DAGLA: variants seen among roughly 807,000 people sequenced by gnomAD.
The protein encoded by DAGLA is diacylglycerol lipase-alpha.
In DAGLA, 22 loss-of-function variants were observed where a neutral mutation model predicts 102.6. That is an observed-to-expected ratio of 0.21 (90% CI 0.15 to 0.31). The LOEUF (loss-of-function observed/expected upper bound fraction) is 0.31, where lower values mean the gene tolerates loss of function less well. Ranked by LOEUF, DAGLA falls within the 10% of genes least tolerant of loss-of-function variation. The probability of loss-of-function intolerance (pLI) is 1.00; values close to 1 mark genes in which losing one functional copy is unlikely to be tolerated. For missense variants in DAGLA, 927 were observed against 1,446.6 expected, an observed-to-expected ratio of 0.64 and a Z score of 5.83; for synonymous variants, 578 against 628.9, an observed-to-expected ratio of 0.92 and a Z score of 1.21.
intron 1 of DAGLA, among the ~76,000 whole-genome samples, chr11:61,695,269 A>G (rs1397959326): frequency 6.7e-6 from 1 of 149,584 alleles, no homozygotes; most frequent in African/African-American, 2.5e-5. Flanking sequence ...TTCAACCATC[A>G]GGCACCTCTA....
chr11:61,730,818 C>A (rs1448980443), intron 8 of DAGLA, among the ~76,000 whole-genome samples: 1 of 152,222 alleles, frequency 6.6e-6, no homozygotes, highest in Non-Finnish European at 1.5e-5. Context: ...TCAAAGAACC[C>A]AAGGGCCAGA....
At chr11:61,715,950 G>C in intron 1 of DAGLA, among the ~76,000 whole-genome samples, 1 of 152,250 alleles carries the variant, frequency 6.6e-6, no homozygotes, top group Non-Finnish European at 1.5e-5. Flanking sequence ...AGAGGGGGGG[G>C]AGAGGGTTCT....
At chr11:61,713,565 A>G (rs944118086) in intron 1 of DAGLA, among the ~76,000 whole-genome samples, 5 of 152,340 alleles carry the variant, frequency 3.3e-5, no homozygotes, top group Non-Finnish European at 7.4e-5. Flanking sequence ...CAGAGAGGTT[A>G]ACTCGCTACC....
At chr11:61,701,680 A>G (rs2065111135) in intron 1 of DAGLA, among the ~76,000 whole-genome samples, 1 of 152,158 alleles carries the variant, frequency 6.6e-6, no homozygotes, top group African/African-American at 2.4e-5. Context: ...GTCACAGGGA[A>G]GGGGGTGGAT....
At chr11:61,685,038 G>A (rs376638544) in intron 1 of DAGLA, among the ~76,000 whole-genome samples, 1 of 152,072 alleles carries the variant, frequency 6.6e-6, no homozygotes, top group African/African-American at 2.4e-5. Flanking sequence ...CGTCTCACAC[G>A]CCTGCTTCCA....
chr11:61,739,395 C>CCCCCTG, intron 16 of DAGLA, 70 bp from the exon 17 acceptor site: 1 of 970,868 alleles, frequency 1.0e-6, no homozygotes, highest in South Asian at 1.4e-5. Context: ...CCTTCTCGGT[C>CCCCCTG]CCCCTGCCCC....
At position 61,684,338 on chromosome 11, in the gene DAGLA, G is replaced by C. The variant is rs1281337884; in HGVS notation, c.-45+3834G>C. Among the ~76,000 whole-genome samples, 2 of 152,220 alleles carry C rather than the reference G, an allele frequency of 1.3e-5. No individual in the cohort carries two copies. The highest frequency in any genetic ancestry group is 1.3e-4 in the Admixed American group (2 of 15,282). The stretch of plus-strand genomic sequence containing the variant: ...AAATCTTTTAGAACCGCGGAGCCCA[G>C]GACATTGCAGGATGCGGTTACCTCC... On this transcript the variant is annotated intron_variant, in intron 1 of 19. Coordinates refer to ENST00000257215, the MANE Select transcript of DAGLA (RefSeq NM_006133.3). This position sits in a 1 kb window ranked among gnomAD's most constrained non-coding sequence, Gnocchi z 4.5.
chr11:61,723,690 A>G (rs776545817), intron 5 of DAGLA, 118 bp downstream of exon 5: 68 of 1,338,756 alleles, frequency 5.1e-5, no homozygotes, highest in Non-Finnish European at 6.8e-5. Context: ...ACCTCGTGTG[A>G]GCCGTGGGCA....
chr11:61,711,102 G>A (rs1431890368), intron 1 of DAGLA, among the ~76,000 whole-genome samples: 6 of 152,274 alleles, frequency 3.9e-5, no homozygotes, highest in Non-Finnish European at 7.4e-5. Flanking sequence ...GGGTAAAGAC[G>A]TGTTAGGGCA....
intron 10 of DAGLA, 115 bp from the exon 11 acceptor site, chr11:61,735,446 G>C: frequency 1.1e-6 from 1 of 886,328 alleles, no homozygotes. Flanking sequence ...GGCGGCAGAG[G>C]CTCCGTGGCT....
At chr11:61,701,525 G>A (rs2065110257) in intron 1 of DAGLA, among the ~76,000 whole-genome samples, 2 of 152,228 alleles carry the variant, frequency 1.3e-5, no homozygotes, top group Admixed American at 6.5e-5. Context: ...CCCATGTGGT[G>A]GGGATGTGTG....
intron 17 of DAGLA, among the ~76,000 whole-genome samples, chr11:61,740,140 G>T (rs2065464746): frequency 6.6e-6 from 1 of 152,236 alleles, no homozygotes; most frequent in South Asian, 2.1e-4. Context: ...GCTGGGCCCT[G>T]GCTCCTCCCT....
rs1193180153 is a variant in DAGLA, at chr11:61,725,977, G to A, written c.549-18G>A. 8.7e-6 allele frequency: 14 copies of A among 1,611,380 alleles called. No homozygotes were observed. The highest frequency in any genetic ancestry group is 2.2e-5 in the East Asian group (1 of 44,890). ...CCAGCCCTCTGACCTCACACATACC[G>A]CCTCTCCTGCTTTGCAGGCACCGCT... is the stretch of plus-strand genomic sequence containing the variant. On this transcript the variant is annotated intron_variant, in intron 5 of 19. Coordinates refer to ENST00000257215, the MANE Select transcript of DAGLA (RefSeq NM_006133.3).
At chr11:61,715,463 C>T (rs1176064912) in intron 1 of DAGLA, among the ~76,000 whole-genome samples, 1 of 152,178 alleles carries the variant, frequency 6.6e-6, no homozygotes, top group Non-Finnish European at 1.5e-5. Context: ...TACCTTCTTC[C>T]CCCCCATCCC....
At chr11:61,685,590 C>T (rs1236578989) in intron 1 of DAGLA, among the ~76,000 whole-genome samples, 1 of 152,222 alleles carries the variant, frequency 6.6e-6, no homozygotes, top group East Asian at 1.9e-4. Context: ...GTGGTCATAC[C>T]AGAGCCTATA....
At chr11:61,714,687 A>G (rs957265783) in intron 1 of DAGLA, among the ~76,000 whole-genome samples, 4 of 152,110 alleles carry the variant, frequency 2.6e-5, no homozygotes, top group Non-Finnish European at 5.9e-5. Context: ...CGCTGCTGGG[A>G]TGGATATCAC....
At chr11:61,681,880 G>A (rs1482129926) in intron 1 of DAGLA, among the ~76,000 whole-genome samples, 1 of 152,192 alleles carries the variant, frequency 6.6e-6, no homozygotes, top group Non-Finnish European at 1.5e-5. Context: ...ACTTTACAGA[G>A]AAGCAATTTG....
In DAGLA at chr11:61,746,912, CAAATT is replaced by C. The variant is rs1280975002; in HGVS notation, c.*2426_*2430del. The stretch of plus-strand genomic sequence containing the variant: ...CTAATATTGCTGTAAAAAGGAGAGA[CAAATT>C]AATATAGCTTATTCTATAAATATAT... On this transcript the variant is annotated 3_prime_UTR_variant, in exon 20 of 20. Coordinates refer to ENST00000257215, the MANE Select transcript of DAGLA (RefSeq NM_006133.3). 6.6e-6 allele frequency: 1 copy of C among 152,564 alleles called. No homozygotes were observed. The highest frequency in any genetic ancestry group is 2.4e-5 in the African/African-American group (1 of 41,444). 9.5% of individuals were successfully genotyped at this position (152,564 alleles called of 1,614,324 possible). A position where few individuals can be genotyped will look rare whatever the true frequency, so the allele number is the denominator to read the frequency against.
chr11:61,708,031 T>G (rs1320095224), intron 1 of DAGLA, among the ~76,000 whole-genome samples: 3 of 152,182 alleles, frequency 2.0e-5, no homozygotes, highest in African/African-American at 7.2e-5. Flanking sequence ...GTTTTGAGAC[T>G]GAGTCTTGCT....
Sources: allele counts gnomAD v4.1 joint callset (sites outside exome capture counted in the v4.1 genomes callset), GRCh38; gene constraint gnomAD v4.1.1; non-coding constraint Gnocchi (gnomAD v3.1); transcripts MANE v1.5; gene names NCBI Gene and HGNC (gene_info 2026-07-23, HGNC 2026-07-21).